RNF185: variants seen among roughly 807,000 people sequenced by gnomAD.
The protein encoded by RNF185 is E3 ubiquitin-protein ligase RNF185.
RNF185 carries 13 observed loss-of-function variants against 24.9 expected under a neutral mutation model. The observed-to-expected ratio is 0.52, with a 90% CI of 0.34 to 0.83. The LOEUF (loss-of-function observed/expected upper bound fraction) is 0.83. Among genes scored for constraint, RNF185 ranks in the 40% least tolerant of loss-of-function variants. The pLI is 0.01. For synonymous variants in RNF185, 79 were observed against 90.3 expected, an observed-to-expected ratio of 0.88 and a Z score of 0.71; for missense variants, 184 against 244.7, an observed-to-expected ratio of 0.75 and a Z score of 1.65.
At chr22:31,201,914 G>C (rs1568974308) in intron 6 of RNF185, among the ~76,000 whole-genome samples, 1 of 152,136 alleles carries the variant, frequency 6.6e-6, no homozygotes, top group Non-Finnish European at 1.5e-5. Context: ...AAAATGCTCA[G>C]TAATGTTACC....
chr22:31,187,188 G>T lies in RNF185; in HGVS notation c.94G>T (p.Gly32Trp). ...GSSNGAGESG[G>W]QDSTFECNIC... ...CAGCAATGGCGCTGGCGAGAGCGGA[G>T]GGCAGGACAGCACTTTCGAGTGCAA... The change falls in exon 2 of 7, where the codon GGG (glycine) becomes TGG (tryptophan). Residue 32 changes from glycine (G) to tryptophan (W), a missense_variant. Coordinates refer to ENST00000326132, the MANE Select transcript of RNF185 (RefSeq NM_152267.4). 2 of 1,614,070 alleles carry T rather than the reference G, an allele frequency of 1.2e-6. 1 individual carries two copies. The highest frequency in any genetic ancestry group is 2.2e-5 in the South Asian group (2 of 91,082).
intron 1 of RNF185, among the ~76,000 whole-genome samples, chr22:31,173,940 C>CA (rs1450190163): frequency 2.6e-5 from 4 of 152,310 alleles, no homozygotes; most frequent in Non-Finnish European, 4.4e-5. Context: ...AGTTGTGACT[C>CA]ATTTACTCAG....
chr22:31,174,519 A>G (rs1221575318), intron 1 of RNF185, among the ~76,000 whole-genome samples: 2 of 152,086 alleles, frequency 1.3e-5, no homozygotes, highest in African/African-American at 4.8e-5. Flanking sequence ...AGCTAGAACT[A>G]CAGGCACACG....
At position 31,206,045 on chromosome 22, in the gene RNF185, C is replaced by T. The variant is rs2048311281; in HGVS notation, c.*1459C>T. 1 of 154,774 alleles carries T rather than the reference C, an allele frequency of 6.5e-6. No homozygotes were observed. The highest frequency in any genetic ancestry group is 2.0e-4 in the South Asian group (1 of 4,922). The allele number at this position is 154,774 out of a possible 1,614,324, so 9.6% of individuals were successfully genotyped here. A position where few individuals can be genotyped will look rare whatever the true frequency, so the allele number is the denominator to read the frequency against. On this transcript the variant is annotated 3_prime_UTR_variant, in exon 7 of 7. Transcript: ENST00000326132. The stretch of plus-strand genomic sequence containing the variant: ...GAGGGAGATGGGCTTTCCTCTGGGC[C>T]TCTCTCCTACTTTGCCATCCACACT...
At chr22:31,172,046 TA>T (rs749935716) in intron 1 of RNF185, among the ~76,000 whole-genome samples, 8 of 152,366 alleles carry the variant, frequency 5.3e-5, no homozygotes, top group Non-Finnish European at 7.3e-5. Flanking sequence ...GTTTTCTACT[TA>T]ATTGGTTAGA....
At position 31,204,763 on chromosome 22, in the gene RNF185, C is replaced by T. The variant is rs2071395328; in HGVS notation, c.*177C>T. On this transcript the variant is annotated 3_prime_UTR_variant, in exon 7 of 7. Coordinates refer to ENST00000326132, the MANE Select transcript of RNF185 (RefSeq NM_152267.4). ...GAACTCGAGACCAGTTGGCGATGACCCCTGAATATCGCCACCGCTGTAAAC... is the reference window on the plus strand; with the variant it reads ...GAACTCGAGACCAGTTGGCGATGACTCCTGAATATCGCCACCGCTGTAAAC... 1 of 589,872 alleles carries T rather than the reference C, an allele frequency of 1.7e-6. No homozygotes were observed. The highest frequency in any genetic ancestry group is 2.9e-5 in the East Asian group (1 of 34,768). The allele number at this position is 589,872 out of a possible 1,614,324, so 36.5% of individuals were successfully genotyped here. A position where few individuals can be genotyped will look rare whatever the true frequency, so the allele number is the denominator to read the frequency against.
chr22:31,177,795 C>CT (rs1360385508), intron 1 of RNF185, among the ~76,000 whole-genome samples: 1 of 152,228 alleles, frequency 6.6e-6, no homozygotes, highest in Non-Finnish European at 1.5e-5. Context: ...TCACTACACC[C>CT]TGGTCTAGAA....
intron 1 of RNF185, among the ~76,000 whole-genome samples, chr22:31,164,068 G>A (rs996412121): frequency 3.3e-5 from 5 of 151,718 alleles, no homozygotes; most frequent in Non-Finnish European, 1.5e-5. Flanking sequence ...TGCAACCTGT[G>A]CCTCCCAGGT....
rs892717175 is a variant in RNF185 at position 31,195,464 on chromosome 22, T to C, written c.196-5T>C. On this transcript the variant is annotated splice_region_variant and splice_polypyrimidine_tract_variant and intron_variant, in intron 3 of 6. Transcript: ENST00000326132. ...TCCACATGCATTTTTCTCTCCTGTT[T>C]GCAGTGGTTGGAGACCAGACCTAAC... 1.3e-6 allele frequency: 2 copies of C among 1,593,914 alleles called. No homozygotes were observed. The highest frequency in any genetic ancestry group is 2.3e-5 in the East Asian group (1 of 43,892).
chr22:31,160,563 G>A (rs1923502496), intron 1 of RNF185, among the ~76,000 whole-genome samples: 2 of 152,328 alleles, frequency 1.3e-5, no homozygotes, highest in African/African-American at 4.8e-5. Flanking sequence ...CATGGGCACT[G>A]ATTCCCATTC....
In RNF185 at chr22:31,206,369, T is replaced by C. The variant is rs1302910633; in HGVS notation, c.*1783T>C. 6.6e-6 allele frequency: 1 copy of C among 152,612 alleles called. No individual in the cohort carries two copies. 9.5% of individuals were successfully genotyped at this position (152,612 alleles called of 1,614,324 possible). A position where few individuals can be genotyped will look rare whatever the true frequency, so the allele number is the denominator to read the frequency against. On this transcript the variant is annotated 3_prime_UTR_variant, in exon 7 of 7. Transcript: ENST00000326132. ...ATTTTAAACATTCCTGGGCACCCAC[T>C]CAAGAGTGCTCTTTTTATCACCTTC...
Position 31,195,479 on chromosome 22 carries a change from C to T in RNF185, c.206C>T (p.Thr69Ile). 1 of 1,605,462 alleles carries T rather than the reference C, an allele frequency of 6.2e-7. No homozygotes were observed. The highest frequency in any genetic ancestry group is 8.5e-7 in the Non-Finnish European group (1 of 1,176,150). The change falls in exon 4 of 7, where the codon ACC becomes ATC. Residue 69 changes from threonine (T) to isoleucine (I), a missense_variant. Thr to Ile is a moderately conservative substitution (Grantham distance 89). Transcript: ENST00000326132. ...CTCTCCTGTTTGCAGTGGTTGGAGA[C>T]CAGACCTAACAGACAGGTGTGTCCT... The part of the protein sequence containing the change: ...CWPCLHQWLE[T>I]RPNRQVCPVC...
intron 2 of RNF185, among the ~76,000 whole-genome samples, chr22:31,188,340 T>C (rs2048120075): frequency 6.6e-6 from 1 of 152,178 alleles, no homozygotes; most frequent in Non-Finnish European, 1.5e-5. Flanking sequence ...TTTTTGTTCT[T>C]GAGGCTCTTG....
Position 31,206,842 on chromosome 22 carries a change from G to T in RNF185, c.*2256G>T, listed in dbSNP as rs905540581. 6.6e-6 allele frequency: 1 copy of T among 152,194 alleles called. No individual in the cohort carries two copies. Among genetic ancestry groups the T allele is most frequent in the African/African-American group, 2.4e-5 (1 of 41,422 alleles). The allele number at this position is 152,194 out of a possible 1,614,324, so 9.4% of individuals were successfully genotyped here. A position where few individuals can be genotyped will look rare whatever the true frequency, so the allele number is the denominator to read the frequency against. On this transcript the variant is annotated 3_prime_UTR_variant, in exon 7 of 7. Transcript: ENST00000326132. ...AAGGCAGCTTTCCTTTCTTTTGTGT[G>T]TTTTCTGTGTTCTTAGCCTCCACCC...
intron 5 of RNF185, among the ~76,000 whole-genome samples, chr22:31,200,053 G>A (rs2048245655): frequency 6.6e-6 from 1 of 152,100 alleles, no homozygotes; most frequent in Admixed American, 6.6e-5. Flanking sequence ...TGAAAGATGC[G>A]CACAGTAATT....
chr22:31,192,339 C>G (rs1289574438), intron 2 of RNF185, among the ~76,000 whole-genome samples: 1 of 152,156 alleles, frequency 6.6e-6, no homozygotes, highest in Non-Finnish European at 1.5e-5. Context: ...TGGATTCCTT[C>G]AGATGTTGTA....
At chr22:31,191,007 A>G (rs1039615135) in intron 2 of RNF185, among the ~76,000 whole-genome samples, 6 of 152,250 alleles carry the variant, frequency 3.9e-5, no homozygotes, top group Admixed American at 3.3e-4. Flanking sequence ...AATAGGCTAT[A>G]CTATGTAGCC....
intron 6 of RNF185, among the ~76,000 whole-genome samples, chr22:31,203,223 T>C (rs2048281053): frequency 6.6e-6 from 1 of 152,188 alleles, no homozygotes; most frequent in African/African-American, 2.4e-5. Context: ...ACACAGATTC[T>C]TTTATCCTCC....
At chr22:31,172,415 T>C (rs897528757) in intron 1 of RNF185, among the ~76,000 whole-genome samples, 3 of 151,660 alleles carry the variant, frequency 2.0e-5, no homozygotes, top group African/African-American at 7.3e-5. Flanking sequence ...CATTAATTTC[T>C]TTGTCTAATA....
Sources: allele counts gnomAD v4.1 joint callset (sites outside exome capture counted in the v4.1 genomes callset), GRCh38; gene constraint gnomAD v4.1.1; transcripts MANE v1.5; gene names NCBI Gene and HGNC (gene_info 2026-07-23, HGNC 2026-07-21).